The following ARHGAP35 variants were observed in gnomAD, a reference collection of about 807,000 sequenced individuals.
The protein encoded by ARHGAP35 is Rho GTPase activating protein 35.
ARHGAP35 carries 15 observed loss-of-function variants against 111.1 expected under a neutral mutation model. The ratio of observed to expected loss-of-function variants is 0.13; its 90% CI spans 0.09 to 0.21. The LOEUF (loss-of-function observed/expected upper bound fraction) is 0.21, where lower values mean the gene tolerates loss of function less well. Among genes scored for constraint, ARHGAP35 ranks in the 10% least tolerant of loss-of-function variants. The probability of loss-of-function intolerance (pLI) is 1.00; values close to 1 mark genes in which losing one functional copy is unlikely to be tolerated. For synonymous variants in ARHGAP35, 643 were observed against 710.3 expected (o/e 0.91, Z 1.51); for missense variants, 1,262 against 1,873.0 (o/e 0.67, Z 6.02).
chr19:46,951,131 T>C (rs1014910512), intron 3 of ARHGAP35, among the ~76,000 whole-genome samples: 3 of 152,268 alleles, frequency 2.0e-5, no homozygotes, highest in African/African-American at 7.2e-5. Flanking sequence ...GCCAGAATAC[T>C]TAGGCTGTGA....
intron 3 of ARHGAP35, among the ~76,000 whole-genome samples, chr19:46,971,761 G>A (rs1035473175): frequency 6.6e-6 from 1 of 151,990 alleles, no homozygotes; most frequent in African/African-American, 2.4e-5. Context: ...GCCTCCCAAA[G>A]TGCTGGGATT....
At chr19:46,871,591 C>T (rs913462333) in intron 1 of ARHGAP35, among the ~76,000 whole-genome samples, 5 of 151,898 alleles carry the variant, frequency 3.3e-5, no homozygotes, top group Non-Finnish European at 7.4e-5. Flanking sequence ...GATCCACCTG[C>T]CTCAGCCTCC....
At chr19:46,861,885 G>T (rs10423218) in intron 1 of ARHGAP35, among the ~76,000 whole-genome samples, 3,005 of 151,014 alleles carry the variant, frequency 0.02, 106 homozygotes, top group African/African-American at 0.068. Context: ...TCTTCCCCTT[G>T]GACTGAATCC....
In ARHGAP35 at chr19:46,919,775, A is replaced by G. The variant is rs1213895103; in HGVS notation, c.1100A>G (p.Lys367Arg). ...EIDHLSCIKA[K>R]KLLETKPEFL... Reference sequence around the variant, plus strand: ...GACCACCTAAGCTGCATAAAAGCCAAAAAGCTCTTAGAAACCAAGCCAGAA... The same window carrying G: ...GACCACCTAAGCTGCATAAAAGCCAGAAAGCTCTTAGAAACCAAGCCAGAA... Residue 367 changes from lysine (K) to arginine (R), a missense_variant, in exon 2 of 7, where the codon AAA (lysine) becomes AGA (arginine). This residue lies in a region of ARHGAP35 where 328 missense variants were observed against 440.8 expected (regional missense o/e 0.74). Coordinates refer to ENST00000672722, the MANE Select transcript of ARHGAP35 (RefSeq NM_004491.5). This position sits in a 1 kb window ranked among gnomAD's most constrained non-coding sequence, Gnocchi z 6.2. 5 of 1,613,926 alleles carry G rather than the reference A, an allele frequency of 3.1e-6. No homozygotes were observed. The highest frequency in any genetic ancestry group is 2.2e-5 in the East Asian group (1 of 44,904).
rs1027543504 is a variant in ARHGAP35, at chr19:46,887,157, C to G, written c.-189+25948C>G. On this transcript the variant is annotated intron_variant, in intron 1 of 6. Transcript: ENST00000672722. ...ATCATCAGTTTTGGTACCTTCTACT[C>G]GTTACTGAAAGGATATATTTACCTT... Among the ~76,000 whole-genome samples, 16 of 151,620 alleles carry G rather than the reference C, an allele frequency of 1.1e-4. 1 individual carries two copies. Among genetic ancestry groups the G allele is most frequent in the Admixed American group, 9.9e-4 (15 of 15,218 alleles).
intron 1 of ARHGAP35, among the ~76,000 whole-genome samples, chr19:46,888,291 TATATATATATATATATATATATATATAA>T (rs2056004486): frequency 4.8e-5 from 3 of 62,790 alleles, no homozygotes; most frequent in South Asian, 4.4e-4. Context: ...TATATATATA[TATATATATATATATATATATATATATAA>T]AATATTGATT....
intron 3 of ARHGAP35, among the ~76,000 whole-genome samples, chr19:46,983,948 C>A (rs2056635214): frequency 6.6e-6 from 1 of 152,112 alleles, no homozygotes; most frequent in Non-Finnish European, 1.5e-5. Context: ...AGCTCTGTCC[C>A]CTAGAACCAT....
At chr19:46,869,624 G>A (rs1358192435) in intron 1 of ARHGAP35, among the ~76,000 whole-genome samples, 1 of 152,046 alleles carries the variant, frequency 6.6e-6, no homozygotes, top group Non-Finnish European at 1.5e-5. Flanking sequence ...ACTTAGGAAT[G>A]AGACAAAGGA....
chr19:46,877,437 C>T (rs1311688279), intron 1 of ARHGAP35, among the ~76,000 whole-genome samples: 2 of 151,270 alleles, frequency 1.3e-5, no homozygotes, highest in African/African-American at 4.9e-5. Flanking sequence ...GTGGTGGGCA[C>T]CTGTAATCCC....
chr19:46,959,432 C>T (rs1346762578), intron 3 of ARHGAP35, among the ~76,000 whole-genome samples: 1 of 151,210 alleles, frequency 6.6e-6, no homozygotes, highest in Admixed American at 6.6e-5. Flanking sequence ...GAGTTTCACT[C>T]TTGTCACCCA....
At chr19:46,899,698 CA>C (rs34813801) in intron 1 of ARHGAP35, among the ~76,000 whole-genome samples, 3 of 124,810 alleles carry the variant, frequency 2.4e-5, no homozygotes, top group African/African-American at 8.9e-5. Flanking sequence ...AGACCCTGTA[CA>C]AAAAAAAACA....
At chr19:46,947,364 A>G (rs568479253) in intron 3 of ARHGAP35, 1 of 152,334 alleles carries the variant, frequency 6.6e-6, no homozygotes, top group Admixed American at 6.5e-5. Flanking sequence ...AAAATAACAC[A>G]CAGGACCCAG....
intron 1 of ARHGAP35, among the ~76,000 whole-genome samples, chr19:46,907,308 G>C (rs1259352159): frequency 6.6e-6 from 1 of 151,076 alleles, no homozygotes; most frequent in Non-Finnish European, 1.5e-5. Flanking sequence ...CACCACGCTC[G>C]GCTGATTTTA....
intron 1 of ARHGAP35, among the ~76,000 whole-genome samples, chr19:46,913,978 A>C (rs561476698): frequency 6.6e-6 from 1 of 152,294 alleles, no homozygotes; most frequent in South Asian, 2.1e-4. Context: ...CATTAAATTT[A>C]GTGACTCAGC....
At position 46,901,260 on chromosome 19, in the gene ARHGAP35, G is replaced by T. The variant is rs1416497737; in HGVS notation, c.-188-17228G>T. Among the ~76,000 whole-genome samples the T allele has an allele frequency of 2.0e-5, 3 of 152,060 alleles. No individual in the cohort carries two copies. Among genetic ancestry groups the T allele is most frequent in the Non-Finnish European group, 4.4e-5 (3 of 67,974 alleles). On this transcript the variant is annotated intron_variant, in intron 1 of 6. Transcript: ENST00000672722. This position sits in a 1 kb window ranked among gnomAD's most constrained non-coding sequence, Gnocchi z 4.5. ...TCACATAGGGAATAAGAATTTGAGG[G>T]TTTAATATAAGAGCAGGCCAGGCAT...
intron 2 of ARHGAP35, among the ~76,000 whole-genome samples, chr19:46,928,935 A>T (rs1431469079): frequency 1.3e-5 from 2 of 151,984 alleles, no homozygotes; most frequent in Non-Finnish European, 2.9e-5. Context: ...GTCTCAAAAA[A>T]AAAAAGCTAT....
In ARHGAP35 at chr19:46,937,230, T is replaced by C. The variant is rs780113052; in HGVS notation, c.3682-34T>C. 2.6e-5 allele frequency: 42 copies of C among 1,612,570 alleles called. No individual in the cohort carries two copies. In the Admixed American group the frequency reaches 6.0e-4, roughly 23 times the overall value. On this transcript the variant is annotated intron_variant, in intron 2 of 6. Coordinates refer to ENST00000672722, the MANE Select transcript of ARHGAP35 (RefSeq NM_004491.5). ...TTAAGTTACATGTTGATACTCACTT[T>C]GTTTTTGTGCTTCCCTTTCTCTTTC...
intron 1 of ARHGAP35, among the ~76,000 whole-genome samples, chr19:46,881,877 C>A (rs965590437): frequency 6.6e-6 from 1 of 152,196 alleles, no homozygotes; most frequent in Non-Finnish European, 1.5e-5. Context: ...GCTAGGTCTT[C>A]TAGATGACTT....
Position 46,920,245 on chromosome 19 carries a change from C to T in ARHGAP35, c.1570C>T (p.Leu524=). 6.2e-7 allele frequency: 1 copy of T among 1,613,932 alleles called. No homozygotes were observed. The highest frequency in any genetic ancestry group is 8.5e-7 in the Non-Finnish European group (1 of 1,179,876). The part of the protein sequence containing the change: ...KEKMGVIQDV[L]GEEQRFKALQ... The stretch of plus-strand genomic sequence containing the variant: ...GAAGATGGGTGTTATTCAGGATGTT[C>T]TGGGAGAGGAACAGCGATTTAAAGC... The change falls in exon 2 of 7, where the codon CTG becomes TTG. Residue 524 remains leucine (L), a synonymous_variant. Transcript: ENST00000672722. This position sits in a 1 kb window ranked among gnomAD's most constrained non-coding sequence, Gnocchi z 7.0.
Sources: allele counts gnomAD v4.1 joint callset (sites outside exome capture counted in the v4.1 genomes callset), GRCh38; gene constraint gnomAD v4.1.1; regional missense constraint gnomAD v4.1.1; non-coding constraint Gnocchi (gnomAD v3.1); transcripts MANE v1.5; gene names NCBI Gene and HGNC (gene_info 2026-07-23, HGNC 2026-07-21).